ROBO2: variants seen among roughly 807,000 people sequenced by gnomAD.
The protein encoded by ROBO2 is roundabout guidance receptor 2.
A neutral mutation model predicts 160.8 loss-of-function variants in ROBO2; 53 were observed. That is an observed-to-expected ratio of 0.33 (90% confidence interval 0.26 to 0.41). The LOEUF is 0.41. Among genes scored for constraint, ROBO2 ranks in the 10% least tolerant of loss-of-function variants. The pLI is 1.00. For missense variants in ROBO2, 1,577 were observed against 1,722.4 expected, an observed-to-expected ratio of 0.92 and a Z score of 1.49; for synonymous variants, 664 against 611.7, an observed-to-expected ratio of 1.09 and a Z score of -1.26.
intron 2 of ROBO2, among the ~76,000 whole-genome samples, chr3:76,075,884 CA>C (rs1191120843): frequency 1.3e-5 from 2 of 152,174 alleles, no homozygotes; most frequent in African/African-American, 4.8e-5. Flanking sequence ...CAGGAAGATA[CA>C]GTAACTTGTC....
At chr3:76,287,588 C>T (rs1708570701) in intron 2 of ROBO2, among the ~76,000 whole-genome samples, 1 of 152,112 alleles carries the variant, frequency 6.6e-6, no homozygotes. Flanking sequence ...GCATGAGCCG[C>T]CGTGCCCGGC....
At chr3:76,916,271 C>A (rs538346079) in intron 2 of ROBO2, among the ~76,000 whole-genome samples, 1 of 150,390 alleles carries the variant, frequency 6.6e-6, no homozygotes, top group Admixed American at 6.6e-5. Context: ...CCATCATTAA[C>A]TTTGGTTAAG....
chr3:77,540,832 T>C (rs1202121996), intron 6 of ROBO2, among the ~76,000 whole-genome samples: 2 of 119,846 alleles, frequency 1.7e-5, no homozygotes, highest in African/African-American at 6.3e-5. Flanking sequence ...ACATAAGGCT[T>C]TTCAAATATT....
chr3:77,214,063 T>G (rs974092672), intron 2 of ROBO2, among the ~76,000 whole-genome samples: 18 of 152,214 alleles, frequency 1.2e-4, no homozygotes, highest in African/African-American at 2.9e-4. Flanking sequence ...CTGTTGATTT[T>G]GGGTGGAGAG....
At chr3:76,873,590 T>TCG (rs2072365821) in intron 2 of ROBO2, among the ~76,000 whole-genome samples, 2 of 151,916 alleles carry the variant, frequency 1.3e-5, no homozygotes, top group African/African-American at 4.8e-5. Flanking sequence ...GTCGTCGTCG[T>TCG]TGTCGTCGTC....
At chr3:76,200,460 G>C (rs1702467886) in intron 2 of ROBO2, among the ~76,000 whole-genome samples, 1 of 152,066 alleles carries the variant, frequency 6.6e-6, no homozygotes, top group Non-Finnish European at 1.5e-5. Context: ...GTTCTCAATG[G>C]CCTTTAGCTC....
At chr3:76,277,726 TAATC>T (rs1320284250) in intron 2 of ROBO2, among the ~76,000 whole-genome samples, 1 of 151,914 alleles carries the variant, frequency 6.6e-6, no homozygotes, top group Non-Finnish European at 1.5e-5. Flanking sequence ...TGGAAACAAA[TAATC>T]AAATAATGAA....
intron 2 of ROBO2, among the ~76,000 whole-genome samples, chr3:76,352,364 C>G (rs1002531540): frequency 3.0e-4 from 46 of 151,970 alleles, no homozygotes; most frequent in African/African-American, 1.1e-3. Context: ...CACAACCCTG[C>G]TTCCTCTTCT....
chr3:77,193,927 C>T (rs1164025567), intron 2 of ROBO2, among the ~76,000 whole-genome samples: 1 of 151,174 alleles, frequency 6.6e-6, no homozygotes, highest in East Asian at 1.9e-4. Context: ...AATAAGTATT[C>T]ATCTGTTTTT....
chr3:77,248,989 T>G (rs1229325846), intron 2 of ROBO2, among the ~76,000 whole-genome samples: 1 of 152,148 alleles, frequency 6.6e-6, no homozygotes, highest in Non-Finnish European at 1.5e-5. Context: ...GCGATCCTCC[T>G]GCCTCAGCCT....
rs71104626 is a variant in ROBO2, at chr3:76,812,909, A to ATTTTT, written c.110-285083_110-285079dup. Among the ~76,000 whole-genome samples, 44 of 104,658 alleles carry ATTTTT rather than the reference A, an allele frequency of 4.2e-4. 1 individual carries two copies. The highest frequency in any genetic ancestry group is 1.5e-3 in the African/African-American group (41 of 27,540). 68.7% of individuals were successfully genotyped at this position (104,658 alleles called of 152,430 possible). On this transcript the variant is annotated intron_variant, in intron 2 of 26. Coordinates refer to the ROBO2 transcript ENST00000487694. ...AAAGTGTCCTGGCACAGAAGTATAA[A>ATTTTT]TTTTTTTTTTTTTTTTTTTTTTTTT...
At chr3:76,798,125 G>C (rs759191212) in intron 2 of ROBO2, among the ~76,000 whole-genome samples, 3 of 70,210 alleles carry the variant, frequency 4.3e-5, no homozygotes, top group Non-Finnish European at 8.5e-5. Context: ...AGAGAAAGAA[G>C]AAAGAAAGAA....
rs572804413 is a variant in ROBO2 at position 77,437,175 on chromosome 3, A to G, written c.389-40239A>G. Among the ~76,000 whole-genome samples the G allele has an allele frequency of 7.9e-5, 12 of 152,164 alleles. No individual in the cohort carries two copies. The East Asian group carries it at 2.3e-3, about 29-fold the overall frequency. On this transcript the variant is annotated intron_variant, in intron 2 of 25. Coordinates refer to ENST00000461745, the Ensembl canonical transcript of ROBO2. Reference sequence around the variant, plus strand: ...TAAAGTGGAACCACCCTGTGGCAATAGCATAAAGCCAGTTCACCATTCACT... The same window carrying G: ...TAAAGTGGAACCACCCTGTGGCAATGGCATAAAGCCAGTTCACCATTCACT...
chr3:77,611,822 T>C (rs1422462025), intron 21 of ROBO2, among the ~76,000 whole-genome samples: 1 of 152,186 alleles, frequency 6.6e-6, no homozygotes, highest in East Asian at 1.9e-4. Context: ...TATTCTTCTC[T>C]CAGCTTGACA....
At chr3:76,742,476 G>T (rs1252636878) in intron 2 of ROBO2, among the ~76,000 whole-genome samples, 1 of 152,144 alleles carries the variant, frequency 6.6e-6, no homozygotes, top group Non-Finnish European at 1.5e-5. Context: ...AAAGGAAGAT[G>T]TGAAGAAATA....
At chr3:76,361,711 C>G (rs2075532676) in intron 2 of ROBO2, among the ~76,000 whole-genome samples, 1 of 151,998 alleles carries the variant, frequency 6.6e-6, no homozygotes, top group African/African-American at 2.4e-5. Context: ...GAGCCCAACT[C>G]CTAAACTAGT....
chr3:76,116,720 AAT>A (rs1264193435), intron 2 of ROBO2, among the ~76,000 whole-genome samples: 1 of 152,196 alleles, frequency 6.6e-6, no homozygotes, highest in East Asian at 1.9e-4. Flanking sequence ...ACATTTGAGC[AAT>A]ATCCATGAAT....
intron 2 of ROBO2, among the ~76,000 whole-genome samples, chr3:76,531,392 A>G (rs1560101851): frequency 6.6e-6 from 1 of 152,118 alleles, no homozygotes; most frequent in Non-Finnish European, 1.5e-5. Flanking sequence ...TTCAATAGAT[A>G]CCTTTTGATA....
chr3:77,643,785 C>G (rs1322483781), intron 24 of ROBO2, among the ~76,000 whole-genome samples: 1 of 152,076 alleles, frequency 6.6e-6, no homozygotes, highest in Non-Finnish European at 1.5e-5. Context: ...ACTTGGTGCT[C>G]AAGTTTTTGG....
Sources: gnomAD v4.1 joint callset for allele counts (sites outside exome capture counted in the v4.1 genomes callset) on GRCh38, gnomAD v4.1.1 for gene constraint, MANE v1.5 for transcripts, NCBI Gene and HGNC (gene_info 2026-07-23, HGNC 2026-07-21) for gene names.